Variants in TRUB1 observed in about 807,000 individuals in gnomAD.
The protein encoded by TRUB1 is pseudouridylate synthase TRUB1.
TRUB1 carries 23 observed loss-of-function variants against 33.9 expected under a neutral mutation model. That is an observed-to-expected ratio of 0.68 (90% CI 0.49 to 0.96). TRUB1 has a LOEUF of 0.96. TRUB1 is among the 40% of genes least tolerant of loss of function. TRUB1 has a pLI of 0.00. For synonymous variants in TRUB1, 163 were observed against 165.4 expected (o/e 0.99, Z 0.11); for missense variants, 378 against 422.2 (o/e 0.90, Z 0.92).
intron 2 of TRUB1, among the ~76,000 whole-genome samples, chr10:114,949,896 G>GTT (rs35333718): frequency 0.025 from 3,078 of 125,064 alleles, 177 homozygotes; most frequent in African/African-American, 0.083. Flanking sequence ...ATCTTTTAAA[G>GTT]TTTTTTTTTT....
chr10:114,967,650 T>C (rs1274511262), intron 4 of TRUB1, among the ~76,000 whole-genome samples: 1 of 152,238 alleles, frequency 6.6e-6, no homozygotes, highest in Non-Finnish European at 1.5e-5. Context: ...CTATGACACT[T>C]GTACCTCTTT....
At chr10:114,940,341 G>A (rs550559725) in intron 1 of TRUB1, among the ~76,000 whole-genome samples, 6 of 152,096 alleles carry the variant, frequency 3.9e-5, no homozygotes, top group African/African-American at 1.4e-4. Context: ...GGCTGGGCTC[G>A]AACTCCCGAC....
chr10:114,974,058 T>A (rs2143035660), intron 6 of TRUB1, among the ~76,000 whole-genome samples: 1 of 152,336 alleles, frequency 6.6e-6, no homozygotes, highest in Non-Finnish European at 1.5e-5. Flanking sequence ...ACCTATTAAA[T>A]GAACAAGGCT....
chr10:114,962,363 C>T (rs2084288100), intron 4 of TRUB1, among the ~76,000 whole-genome samples: 2 of 152,166 alleles, frequency 1.3e-5, no homozygotes, highest in Admixed American at 6.5e-5. Context: ...TGATAGAGAA[C>T]AAAGGGAAAG....
intron 4 of TRUB1, among the ~76,000 whole-genome samples, chr10:114,965,563 TATG>T (rs1304877137): frequency 6.6e-6 from 1 of 152,212 alleles, no homozygotes; most frequent in Non-Finnish European, 1.5e-5. Context: ...ATATCAAAGT[TATG>T]ATGACCTCAT....
Position 114,942,752 on chromosome 10 carries a change from T to C in TRUB1, c.385+9T>C. ...AGCCCGAGGAGTTCTGGGTAAGAGA[T>C]ATGAAAGGCAGTTAAGTGTCCACTG... is the stretch of plus-strand genomic sequence containing the variant. On this transcript the variant is annotated intron_variant, in intron 2 of 7. Transcript: ENST00000298746. 1 of 1,581,696 alleles carries C rather than the reference T, an allele frequency of 6.3e-7. No homozygotes were observed. Among genetic ancestry groups the C allele is most frequent in the Non-Finnish European group, 8.7e-7 (1 of 1,150,834 alleles).
chr10:114,974,537 G>A, intron 7 of TRUB1, 152 bp downstream of exon 7: 1 of 597,330 alleles, frequency 1.7e-6, no homozygotes, highest in Non-Finnish European at 2.9e-6. Flanking sequence ...GTAGGTTTCT[G>A]GCTTGCAATT....
At chr10:114,938,579 TGC>T in intron 1 of TRUB1, 40 bp downstream of exon 1, 1 of 1,496,202 alleles carries the variant, frequency 6.7e-7, no homozygotes, top group South Asian at 1.4e-5. Flanking sequence ...AGGCGGTCGC[TGC>T]GAGAGGGGAA....
chr10:114,959,652 G>T, intron 3 of TRUB1, 74 bp from the exon 4 acceptor site: 1 of 933,294 alleles, frequency 1.1e-6, no homozygotes, highest in East Asian at 2.4e-5. Context: ...GAAATTCTGT[G>T]TAAACTTCAA....
In TRUB1 at chr10:114,975,487, T is replaced by G. The variant is rs1345603169; in HGVS notation, c.*108T>G. 7.2e-6 allele frequency: 7 copies of G among 975,736 alleles called. No individual in the cohort carries two copies. The highest frequency in any genetic ancestry group is 1.0e-5 in the Non-Finnish European group (7 of 684,756). 60.4% of individuals were successfully genotyped at this position (975,736 alleles called of 1,614,324 possible). On this transcript the variant is annotated 3_prime_UTR_variant, in exon 8 of 8. Coordinates refer to ENST00000298746, the MANE Select transcript of TRUB1 (RefSeq NM_139169.5). ...ACAAACAATATGTCTTTTTTTTTTTTGCATGAAGAAAAATGTCTATCATTT... is the reference window on the plus strand; with the variant it reads ...ACAAACAATATGTCTTTTTTTTTTTGGCATGAAGAAAAATGTCTATCATTT...
intron 2 of TRUB1, among the ~76,000 whole-genome samples, chr10:114,949,552 G>A (rs2084225180): frequency 6.6e-6 from 1 of 152,164 alleles, no homozygotes; most frequent in Non-Finnish European, 1.5e-5. Flanking sequence ...TTAATAAGGA[G>A]TTGGTGCTGT....
intron 4 of TRUB1, among the ~76,000 whole-genome samples, chr10:114,968,875 T>C (rs1345230562): frequency 2.6e-5 from 4 of 152,188 alleles, no homozygotes; most frequent in Non-Finnish European, 5.9e-5. Flanking sequence ...TTTAATATTG[T>C]TCAAATAAAT....
chr10:114,974,140 C>T (rs911827820), intron 6 of TRUB1, among the ~76,000 whole-genome samples, 189 bp from the exon 7 acceptor site: 5 of 152,116 alleles, frequency 3.3e-5, no homozygotes, highest in East Asian at 3.8e-4. Context: ...TTGCTTTCTC[C>T]ACACTCTGAC....
intron 4 of TRUB1, among the ~76,000 whole-genome samples, chr10:114,968,338 A>G (rs2084319831): frequency 6.6e-6 from 1 of 152,206 alleles, no homozygotes; most frequent in Non-Finnish European, 1.5e-5. Context: ...GAGCGTCAGT[A>G]GAGAGACCAG....
intron 4 of TRUB1, among the ~76,000 whole-genome samples, chr10:114,966,701 T>C (rs1482039973): frequency 6.6e-6 from 1 of 152,220 alleles, no homozygotes; most frequent in Non-Finnish European, 1.5e-5. Flanking sequence ...ATCCTTTGTT[T>C]ATGAAATCTC....
At chr10:114,954,373 A>G (rs1257735211) in intron 3 of TRUB1, among the ~76,000 whole-genome samples, 2 of 152,232 alleles carry the variant, frequency 1.3e-5, no homozygotes, top group Non-Finnish European at 2.9e-5. Flanking sequence ...AAACACCCTT[A>G]GAATCTTCTT....
intron 1 of TRUB1, among the ~76,000 whole-genome samples, chr10:114,942,429 G>A (rs2084192088): frequency 6.6e-6 from 1 of 152,146 alleles, no homozygotes; most frequent in African/African-American, 2.4e-5. Flanking sequence ...TGTCTTGATA[G>A]CTGATTTTGG....
chr10:114,975,463 C>CA lies in TRUB1; in HGVS notation c.*87dup, dbSNP rs1202927519. 2.4e-6 allele frequency: 3 copies of CA among 1,256,802 alleles called. No homozygotes were observed. In the East Asian group the frequency reaches 7.6e-5, roughly 32 times the overall value. The allele number at this position is 1,256,802 out of a possible 1,614,324, so 77.9% of individuals were successfully genotyped here. On this transcript the variant is annotated 3_prime_UTR_variant, in exon 8 of 8. Transcript: ENST00000298746. The stretch of plus-strand genomic sequence containing the variant: ...AGAATGACAAGCTGCATTCAAAAGA[C>CA]AAACAATATGTCTTTTTTTTTTTTG...
At chr10:114,963,301 A>G (rs1457619072) in intron 4 of TRUB1, among the ~76,000 whole-genome samples, 1 of 152,174 alleles carries the variant, frequency 6.6e-6, no homozygotes, top group African/African-American at 2.4e-5. Flanking sequence ...TGGACTGTAT[A>G]TGGTTTGGCT....
Sources: allele counts gnomAD v4.1 joint callset (sites outside exome capture counted in the v4.1 genomes callset), GRCh38; gene constraint gnomAD v4.1.1; transcripts MANE v1.5; gene names NCBI Gene and HGNC (gene_info 2026-07-23, HGNC 2026-07-21).